Variants in CENPP observed in about 807,000 individuals in gnomAD.
CENPP encodes centromere protein P.
CENPP carries 24 observed loss-of-function variants against 35.6 expected under a neutral mutation model. The observed-to-expected ratio is 0.67, with a 90% CI of 0.49 to 0.95. The LOEUF (loss-of-function observed/expected upper bound fraction) is 0.95. Ranked by LOEUF, CENPP falls within the 40% of genes least tolerant of loss-of-function variation. CENPP has a pLI of 0.00. For missense variants in CENPP, 332 were observed against 345.3 expected (o/e 0.96, Z 0.31); for synonymous variants, 120 against 125.5 (o/e 0.96, Z 0.29).
chr9:92,389,254 A>C (rs1842568451), intron 5 of CENPP, among the ~76,000 whole-genome samples: 1 of 152,186 alleles, frequency 6.6e-6, no homozygotes, highest in Non-Finnish European at 1.5e-5. Context: ...ATTTTGAGAC[A>C]AATTGTCTAC....
In CENPP at chr9:92,577,108, T is replaced by TCA. The variant is rs1169112935; in HGVS notation, c.565-34206_565-34205insCA. On this transcript the variant is annotated intron_variant, in intron 5 of 7. Transcript: ENST00000375587. Reference sequence around the variant, plus strand: ...TATTCTCATATACTGCTGATGGAACTGTAAACTGACAAAAATACTTAGACA... The same window carrying TCA: ...TATTCTCATATACTGCTGATGGAACTCAGTAAACTGACAAAAATACTTAGACA... 1.3e-4 allele frequency among the ~76,000 whole-genome samples: 20 copies of TCA among 152,370 alleles called. 1 individual carries two copies. Among genetic ancestry groups the TCA allele is most frequent in the African/African-American group, 4.6e-4 (19 of 41,586 alleles).
chr9:92,390,016 T>A (rs1842605517), intron 5 of CENPP: 22 of 1,606,526 alleles, frequency 1.4e-5, no homozygotes, highest in Non-Finnish European at 1.8e-5. Context: ...CTTCTATATC[T>A]TCTATCAAAT....
At chr9:92,583,833 T>C (rs1203287881) in intron 5 of CENPP, among the ~76,000 whole-genome samples, 1 of 152,242 alleles carries the variant, frequency 6.6e-6, no homozygotes, top group Non-Finnish European at 1.5e-5. Context: ...ATTTGGTATC[T>C]ATAATTCAGA....
chr9:92,417,604 G>C, intron 5 of CENPP: 1 of 1,169,394 alleles, frequency 8.6e-7, no homozygotes, highest in Non-Finnish European at 1.2e-6. Flanking sequence ...AAACATTGTG[G>C]AGAAAGTGAG....
intron 5 of CENPP, among the ~76,000 whole-genome samples, chr9:92,413,824 G>A (rs986768299): frequency 1.3e-5 from 2 of 152,148 alleles, no homozygotes; most frequent in East Asian, 1.9e-4. Flanking sequence ...ACAGGTGGGC[G>A]TTCTGGTTCT....
intron 5 of CENPP, among the ~76,000 whole-genome samples, chr9:92,419,935 G>A (rs1182709340): frequency 1.3e-5 from 2 of 152,118 alleles, no homozygotes; most frequent in African/African-American, 4.8e-5. Context: ...AACCCCATTT[G>A]AGAAAGGTTA....
intron 5 of CENPP, 75 bp from the exon 6 acceptor site, chr9:92,611,239 G>A (rs1319081428): frequency 2.1e-5 from 26 of 1,210,280 alleles, no homozygotes; most frequent in Non-Finnish European, 2.8e-5. Context: ...CACCTGGAAC[G>A]GTGCCCCGTG....
chr9:92,431,232 A>T (rs1433765944), intron 5 of CENPP, among the ~76,000 whole-genome samples: 1 of 152,150 alleles, frequency 6.6e-6, no homozygotes, highest in Non-Finnish European at 1.5e-5. Flanking sequence ...CCTTTCCCCT[A>T]TCAAATTTGA....
intron 4 of CENPP, among the ~76,000 whole-genome samples, chr9:92,363,988 A>G (rs1431678669): frequency 6.6e-6 from 1 of 152,018 alleles, no homozygotes; most frequent in African/African-American, 2.4e-5. Context: ...AGCTGGAACC[A>G]CAGGCATGCA....
intron 5 of CENPP, among the ~76,000 whole-genome samples, chr9:92,431,446 C>T (rs1844106486): frequency 6.6e-6 from 1 of 152,212 alleles, no homozygotes; most frequent in South Asian, 2.1e-4. Context: ...AGTGGCATTA[C>T]ATTGTGATTT....
chr9:92,326,931 G>T (rs1380190652), intron 1 of CENPP, among the ~76,000 whole-genome samples: 3 of 152,188 alleles, frequency 2.0e-5, no homozygotes, highest in Admixed American at 2.0e-4. Context: ...ATGGGAAGGA[G>T]GAGATCTACA....
At chr9:92,458,319 G>T (rs10820978) in intron 5 of CENPP, among the ~76,000 whole-genome samples, 38,788 of 152,074 alleles carry the variant, frequency 0.26, 7,103 homozygotes, top group African/African-American at 0.51. Flanking sequence ...GCATTTTTGT[G>T]TACTGAAGAG....
chr9:92,567,395 T>C (rs370959109), intron 5 of CENPP, among the ~76,000 whole-genome samples: 76 of 106,772 alleles, frequency 7.1e-4, no homozygotes, highest in Middle Eastern at 6.2e-3. Context: ...TATATATATA[T>C]AGATATATAT....
chr9:92,603,523 C>T (rs1272347882), intron 5 of CENPP, among the ~76,000 whole-genome samples: 1 of 152,146 alleles, frequency 6.6e-6, no homozygotes, highest in Non-Finnish European at 1.5e-5. Context: ...GTCCAACAGA[C>T]ATGTCTCTGC....
At chr9:92,359,420 G>A (rs568312462) in intron 4 of CENPP, among the ~76,000 whole-genome samples, 2 of 151,868 alleles carry the variant, frequency 1.3e-5, no homozygotes, top group Admixed American at 6.6e-5. Flanking sequence ...TCATATTTTT[G>A]TAGGCCATCT....
chr9:92,433,213 C>T (rs963393626), intron 5 of CENPP, among the ~76,000 whole-genome samples: 5 of 152,154 alleles, frequency 3.3e-5, no homozygotes, highest in Admixed American at 2.6e-4. Context: ...TTAAAGAGAG[C>T]AAGAGGGAGT....
chr9:92,618,474 C>A lies in CENPP; in HGVS notation c.*5325C>A, dbSNP rs1322136487. ...TCCTTCAGCGGCCTTTCACAGCCCACCTAAGGGCACCCTGCATCCAAGCAC... is the reference window on the plus strand; with the variant it reads ...TCCTTCAGCGGCCTTTCACAGCCCAACTAAGGGCACCCTGCATCCAAGCAC... On this transcript the variant is annotated 3_prime_UTR_variant, in exon 8 of 8. Coordinates refer to ENST00000375587, the MANE Select transcript of CENPP (RefSeq NM_001012267.3). The A allele has an allele frequency of 4.4e-6, 2 of 456,558 alleles. No individual in the cohort carries two copies. Among genetic ancestry groups the A allele is most frequent in the African/African-American group, 4.0e-5 (2 of 50,052 alleles). 28.3% of individuals were successfully genotyped at this position (456,558 alleles called of 1,614,324 possible). A position where few individuals can be genotyped will look rare whatever the true frequency, so the allele number is the denominator to read the frequency against.
intron 4 of CENPP, among the ~76,000 whole-genome samples, chr9:92,377,602 C>G (rs1354747112): frequency 6.6e-6 from 1 of 152,180 alleles, no homozygotes; most frequent in South Asian, 2.1e-4. Context: ...GCTTTTTACT[C>G]TCTTCCCAAA....
intron 5 of CENPP, among the ~76,000 whole-genome samples, chr9:92,514,436 G>A (rs1464691950): frequency 4.0e-5 from 6 of 151,798 alleles, no homozygotes; most frequent in African/African-American, 4.8e-5. Flanking sequence ...CACCACGCCC[G>A]GCTAATTTTT....
Sources: allele counts gnomAD v4.1 joint callset (sites outside exome capture counted in the v4.1 genomes callset), GRCh38; gene constraint gnomAD v4.1.1; transcripts MANE v1.5; gene names NCBI Gene and HGNC (gene_info 2026-07-23, HGNC 2026-07-21).